Variants in ARIH1 observed in about 807,000 individuals in gnomAD.
The protein encoded by ARIH1 is E3 ubiquitin-protein ligase ARIH1.
A neutral mutation model predicts 85.0 loss-of-function variants in ARIH1; 8 were observed. The ratio of observed to expected loss-of-function variants is 0.09; its 90% CI spans 0.06 to 0.17. The LOEUF (loss-of-function observed/expected upper bound fraction) is 0.17, where lower values mean the gene tolerates loss of function less well. ARIH1 is among the 10% of genes least tolerant of loss of function. The probability of loss-of-function intolerance (pLI) is 1.00; values close to 1 mark genes in which losing one functional copy is unlikely to be tolerated. For missense variants in ARIH1, 311 were observed against 718.1 expected (o/e 0.43, Z 6.48); for synonymous variants, 238 against 253.6 (o/e 0.94, Z 0.59).
intron 9 of ARIH1, 122 bp downstream of exon 9, chr15:72,567,299 CTTTT>C: frequency 3.6e-6 from 2 of 559,706 alleles, no homozygotes; most frequent in Non-Finnish European, 5.9e-6. Flanking sequence ...TCCATTGAGT[CTTTT>C]TTTTTTTTTC....
chr15:72,494,142 A>G (rs1184667552), intron 1 of ARIH1, among the ~76,000 whole-genome samples: 1 of 152,154 alleles, frequency 6.6e-6, no homozygotes, highest in African/African-American at 2.4e-5. Flanking sequence ...ATAATGCTTC[A>G]GTTTAATTGG....
chr15:72,531,304 G>T (rs752290717), intron 2 of ARIH1, among the ~76,000 whole-genome samples: 1 of 151,730 alleles, frequency 6.6e-6, no homozygotes, highest in East Asian at 1.9e-4. Context: ...GTTTCATTCT[G>T]TTGTCCAGGC....
At chr15:72,554,682 CTGCTT>C (rs1193063999) in intron 3 of ARIH1, among the ~76,000 whole-genome samples, 1 of 152,118 alleles carries the variant, frequency 6.6e-6, no homozygotes, top group Non-Finnish European at 1.5e-5. Flanking sequence ...CCAGTGTGCT[CTGCTT>C]TATCTGTCTT....
intron 1 of ARIH1, among the ~76,000 whole-genome samples, chr15:72,501,554 T>C (rs2063904011): frequency 6.6e-6 from 1 of 152,200 alleles, no homozygotes; most frequent in Non-Finnish European, 1.5e-5. Context: ...GATGACCTAG[T>C]GGTTGTGTTA....
At chr15:72,526,281 C>T (rs2064027834) in intron 2 of ARIH1, among the ~76,000 whole-genome samples, 1 of 152,128 alleles carries the variant, frequency 6.6e-6, no homozygotes, top group Non-Finnish European at 1.5e-5. Context: ...GCCATAGTCC[C>T]TGCCCTGGAG....
chr15:72,499,125 G>A (rs1052097556), intron 1 of ARIH1, among the ~76,000 whole-genome samples: 4 of 151,262 alleles, frequency 2.6e-5, no homozygotes, highest in East Asian at 4.0e-4. Context: ...GGAGGCGCAC[G>A]CCACCACACT....
chr15:72,489,780 T>A (rs1418567075), intron 1 of ARIH1, among the ~76,000 whole-genome samples: 1 of 152,186 alleles, frequency 6.6e-6, no homozygotes. Context: ...ACACTACCAG[T>A]TTGTCTTTTG....
At chr15:72,552,045 G>A (rs989869779) in intron 3 of ARIH1, among the ~76,000 whole-genome samples, 1 of 152,060 alleles carries the variant, frequency 6.6e-6, no homozygotes, top group Non-Finnish European at 1.5e-5. Flanking sequence ...CTCTTTGCAG[G>A]GGAGCCTGAT....
At chr15:72,568,776 T>G (rs1175865891) in intron 9 of ARIH1, among the ~76,000 whole-genome samples, 2 of 152,176 alleles carry the variant, frequency 1.3e-5, no homozygotes, top group Admixed American at 6.5e-5. Context: ...AAATTTCTTA[T>G]GTGGGTGATT....
intron 1 of ARIH1, among the ~76,000 whole-genome samples, chr15:72,506,836 G>GTTTTTTTTTTTTTTT (rs548966122): frequency 1.3e-5 from 2 of 149,670 alleles, no homozygotes; most frequent in African/African-American, 4.9e-5. Flanking sequence ...TAAAAAAGTG[G>GTTTTTTTTTTTTTTT]TTTTTTTTTG....
At position 72,591,633 on chromosome 15, in the gene ARIH1, T is replaced by C. The variant is rs1035336358; in HGVS notation, c.*8341T>C. 4 of 152,238 alleles carry C rather than the reference T, an allele frequency of 2.6e-5. No individual in the cohort carries two copies. The highest frequency in any genetic ancestry group is 7.2e-5 in the African/African-American group (3 of 41,468). The allele number at this position is 152,238 out of a possible 1,614,324, so 9.4% of individuals were successfully genotyped here. On this transcript the variant is annotated 3_prime_UTR_variant, in exon 14 of 14. Coordinates refer to ENST00000379887, the MANE Select transcript of ARIH1 (RefSeq NM_005744.5). ...TGCTATGTGTACTCCCACCTCGGTA[T>C]GTCAAATCATTTTCTCAGAGGAAGT...
intron 1 of ARIH1, 180 bp downstream of exon 1, chr15:72,475,194 T>C: frequency 7.6e-7 from 1 of 1,315,260 alleles, no homozygotes; most frequent in Admixed American, 3.4e-5. Context: ...GGTTCGCCGA[T>C]TAGCCGGGTG....
intron 1 of ARIH1, among the ~76,000 whole-genome samples, chr15:72,486,318 C>A (rs2063837241): frequency 6.6e-6 from 1 of 152,168 alleles, no homozygotes; most frequent in Non-Finnish European, 1.5e-5. Flanking sequence ...AAATCTCTCA[C>A]CATCCCACCC....
intron 2 of ARIH1, among the ~76,000 whole-genome samples, chr15:72,526,449 G>A (rs1421705321): frequency 1.3e-5 from 2 of 152,050 alleles, no homozygotes; most frequent in African/African-American, 4.8e-5. Context: ...TATATTTTGA[G>A]GCAGGTACAG....
At chr15:72,493,162 C>T (rs1271725973) in intron 1 of ARIH1, among the ~76,000 whole-genome samples, 1 of 152,114 alleles carries the variant, frequency 6.6e-6, no homozygotes, top group East Asian at 1.9e-4. Flanking sequence ...TTTACCTGAA[C>T]CTACCTGGTT....
chr15:72,568,824 C>A (rs2064231786), intron 9 of ARIH1, among the ~76,000 whole-genome samples: 1 of 152,124 alleles, frequency 6.6e-6, no homozygotes, highest in African/African-American at 2.4e-5. Context: ...TAAAAAGTTG[C>A]TATATTGGCC....
At chr15:72,517,081 T>C (rs550025629) in intron 1 of ARIH1, among the ~76,000 whole-genome samples, 4 of 152,342 alleles carry the variant, frequency 2.6e-5, no homozygotes, top group East Asian at 3.9e-4. Context: ...CAGCATTGAA[T>C]GATAAGGCAG....
At chr15:72,533,750 T>G (rs1002361359) in intron 2 of ARIH1, among the ~76,000 whole-genome samples, 13 of 151,740 alleles carry the variant, frequency 8.6e-5, no homozygotes. Context: ...TTACAGAAAA[T>G]TAAACAATTA....
At position 72,589,640 on chromosome 15, in the gene ARIH1, A is replaced by C. The variant is rs182979612; in HGVS notation, c.*6348A>C. The C allele has an allele frequency of 2.0e-5, 3 of 151,880 alleles. No individual in the cohort carries two copies. Among genetic ancestry groups the C allele is most frequent in the Admixed American group, 2.0e-4 (3 of 15,296 alleles). The allele number at this position is 151,880 out of a possible 1,614,324, so 9.4% of individuals were successfully genotyped here. A position where few individuals can be genotyped will look rare whatever the true frequency, so the allele number is the denominator to read the frequency against. The stretch of plus-strand genomic sequence containing the variant: ...ATACAAACATGGGTGTTGAGAGCTT[A>C]ACTTAATCGGGAAGGAGATCTTGGA... On this transcript the variant is annotated 3_prime_UTR_variant, in exon 14 of 14. Transcript: ENST00000379887.
Sources: allele counts gnomAD v4.1 joint callset (sites outside exome capture counted in the v4.1 genomes callset), GRCh38; gene constraint gnomAD v4.1.1; transcripts MANE v1.5; gene names NCBI Gene and HGNC (gene_info 2026-07-23, HGNC 2026-07-21).